The following TEX15 variants were observed in gnomAD, a reference collection of about 807,000 sequenced individuals.
TEX15 encodes the protein testis expressed 15, meiosis and synapsis associated.
In TEX15, 171 loss-of-function variants were observed where a neutral mutation model predicts 237.3. The observed-to-expected ratio is 0.72, with a 90% CI of 0.64 to 0.82. The LOEUF (loss-of-function observed/expected upper bound fraction) is 0.82. Ranked by LOEUF, TEX15 falls within the 40% of genes least tolerant of loss-of-function variation. The pLI, the probability that TEX15 is intolerant of heterozygous loss-of-function variation, is 0.00. For synonymous variants in TEX15, 1,338 were observed against 1,269.8 expected (o/e 1.05, Z -1.14); for missense variants, 3,750 against 3,646.5 (o/e 1.03, Z -0.73).
At chr8:30,840,681 C>T (rs73570210) in intron 8 of TEX15, among the ~76,000 whole-genome samples, 4,421 of 152,200 alleles carry the variant, frequency 0.029, 184 homozygotes, top group African/African-American at 0.097. Context: ...TACAGTACTA[C>T]TACTTATTAC....
chr8:30,864,164 A>G (rs1808108857), intron 5 of TEX15, among the ~76,000 whole-genome samples: 2 of 152,108 alleles, frequency 1.3e-5, no homozygotes, highest in South Asian at 4.1e-4. Context: ...TACAGTAACT[A>G]AAATGAACAG....
intron 5 of TEX15, 115 bp from the exon 6 acceptor site, chr8:30,860,172 C>CAGAAAA: frequency 1.1e-6 from 1 of 945,376 alleles, no homozygotes; most frequent in Non-Finnish European, 1.5e-6. Flanking sequence ...GACAGGGTCT[C>CAGAAAA]ACTCTGTTCA....
At chr8:30,901,281 A>G (rs1308741574) in intron 1 of TEX15, among the ~76,000 whole-genome samples, 1 of 152,248 alleles carries the variant, frequency 6.6e-6, no homozygotes, top group Non-Finnish European at 1.5e-5. Flanking sequence ...TTGCATAGAT[A>G]TGGTTGAAAA....
chr8:30,835,964 T>A lies in TEX15; in HGVS notation c.9481+839A>T, dbSNP rs191714484. ...TATTTTCCCACTTTAGTTTACTCTG[T>A]TTTTCCTCTAATTATCAAAATAATG... On this transcript the variant is annotated intron_variant, in intron 10 of 10. Coordinates refer to ENST00000643185, the MANE Select transcript of TEX15 (RefSeq NM_001350162.2). Among the ~76,000 whole-genome samples the A allele has an allele frequency of 2.2e-4, 33 of 152,248 alleles. No homozygotes were observed. The East Asian group carries it at 6.4e-3, about 29-fold the overall frequency.
chr8:30,883,332 G>A (rs1159688768), intron 3 of TEX15, among the ~76,000 whole-genome samples: 1 of 152,012 alleles, frequency 6.6e-6, no homozygotes, highest in East Asian at 1.9e-4. Flanking sequence ...GAATATCCAG[G>A]AGATAACGAT....
intron 7 of TEX15, among the ~76,000 whole-genome samples, chr8:30,850,073 T>C (rs890724786): frequency 2.0e-5 from 3 of 151,420 alleles, no homozygotes; most frequent in African/African-American, 7.3e-5. Flanking sequence ...CTTCTCCCTC[T>C]ACCATGGGAG....
At chr8:30,894,304 T>C (rs1276692012) in intron 2 of TEX15, among the ~76,000 whole-genome samples, 3 of 152,094 alleles carry the variant, frequency 2.0e-5, no homozygotes, top group Non-Finnish European at 4.4e-5. Flanking sequence ...CATAGCAATG[T>C]AGCAAGAAAA....
intron 3 of TEX15, 191 bp downstream of exon 3, chr8:30,886,976 T>C (rs754412629): frequency 4.4e-6 from 2 of 452,638 alleles, no homozygotes; most frequent in Non-Finnish European, 7.5e-6. Context: ...TTAGGTGTAC[T>C]TAGTGGGAAG....
At chr8:30,867,930 G>T in intron 4 of TEX15, among the ~76,000 whole-genome samples, 1 of 152,116 alleles carries the variant, frequency 6.6e-6, no homozygotes, top group South Asian at 2.1e-4. Context: ...AATTATACAC[G>T]CCAATTCTTG....
At chr8:30,838,858 CA>C (rs1297162809) in intron 9 of TEX15, among the ~76,000 whole-genome samples, 1 of 141,874 alleles carries the variant, frequency 7.0e-6, no homozygotes, top group Non-Finnish European at 1.5e-5. Flanking sequence ...CTCTGTTGCC[CA>C]GGCTGGAGTG....
intron 1 of TEX15, among the ~76,000 whole-genome samples, chr8:30,899,424 C>T (rs939847442): frequency 7.9e-5 from 12 of 152,128 alleles, no homozygotes; most frequent in African/African-American, 2.9e-4. Flanking sequence ...TAAACCACTA[C>T]ACTATTCAAA....
intron 7 of TEX15, among the ~76,000 whole-genome samples, chr8:30,857,143 C>T (rs1807928495): frequency 6.6e-6 from 1 of 152,122 alleles, no homozygotes; most frequent in African/African-American, 2.4e-5. Context: ...GCAGCACCTG[C>T]AGCCAACTGA....
intron 1 of TEX15, among the ~76,000 whole-genome samples, chr8:30,899,148 A>C (rs1808961552): frequency 6.6e-6 from 1 of 152,114 alleles, no homozygotes; most frequent in Admixed American, 6.6e-5. Context: ...TGGGAAAACC[A>C]CCTGTAACGC....
At position 30,909,563 on chromosome 8, in the gene TEX15, A is replaced by G. The variant is rs548330870; in HGVS notation, c.-86+3316T>C. Among the ~76,000 whole-genome samples the G allele has an allele frequency of 2.1e-4, 32 of 152,282 alleles. 2 individuals are homozygous for G. In the South Asian group the frequency reaches 6.6e-3, roughly 32 times the overall value. ...AGCAAAGTAGTTCATTAAAGCAATC[A>G]TCAAATTTACATACAAGTTTTAAAT... On this transcript the variant is annotated intron_variant, in intron 1 of 10. Coordinates refer to ENST00000643185, the MANE Select transcript of TEX15 (RefSeq NM_001350162.2).
chr8:30,893,723 T>G (rs1041277800), intron 2 of TEX15, among the ~76,000 whole-genome samples: 7 of 152,336 alleles, frequency 4.6e-5, no homozygotes, highest in Admixed American at 2.6e-4. Flanking sequence ...ATGGGCAATC[T>G]TTTCCTCCGG....
At chr8:30,855,696 T>C (rs578040562) in intron 7 of TEX15, among the ~76,000 whole-genome samples, 6 of 152,316 alleles carry the variant, frequency 3.9e-5, no homozygotes, top group Middle Eastern at 3.4e-3. Flanking sequence ...AACCCAAATG[T>C]TGACCAACTG....
At chr8:30,868,296 T>C (rs890813081) in intron 4 of TEX15, among the ~76,000 whole-genome samples, 2 of 151,976 alleles carry the variant, frequency 1.3e-5, no homozygotes, top group African/African-American at 2.4e-5. Flanking sequence ...TTCCCTAAAA[T>C]TGGCAGATTA....
chr8:30,856,301 C>T (rs1353897821), intron 7 of TEX15, among the ~76,000 whole-genome samples: 1 of 151,908 alleles, frequency 6.6e-6, no homozygotes, highest in Non-Finnish European at 1.5e-5. Flanking sequence ...CGACTGTAAT[C>T]CCAGCACTTC....
chr8:30,833,440 G>A, intron 10 of TEX15, 117 bp from the exon 11 acceptor site: 2 of 709,954 alleles, frequency 2.8e-6, no homozygotes, highest in Non-Finnish European at 4.4e-6. Flanking sequence ...GTGCTTATTT[G>A]CCCTTAAGTA....
Sources: gnomAD v4.1 joint callset for allele counts (sites outside exome capture counted in the v4.1 genomes callset) on GRCh38, gnomAD v4.1.1 for gene constraint, MANE v1.5 for transcripts, NCBI Gene and HGNC (gene_info 2026-07-23, HGNC 2026-07-21) for gene names.